The following YLPM1 variants were observed in gnomAD, a reference collection of about 807,000 sequenced individuals.
YLPM1 encodes the protein YLP motif-containing protein 1.
Under a neutral mutation model 230.0 loss-of-function variants are expected in YLPM1, and 99 were observed. The observed-to-expected ratio is 0.43, with a 90% CI of 0.37 to 0.51. YLPM1 has a LOEUF of 0.51. YLPM1 is among the 20% of genes least tolerant of loss of function. The pLI is 0.00. For missense variants in YLPM1, 2,592 were observed against 2,707.7 expected (o/e 0.96, Z 0.95); for synonymous variants, 984 against 942.5 (o/e 1.04, Z -0.81).
intron 2 of YLPM1, among the ~76,000 whole-genome samples, chr14:74,779,091 T>C (rs1320572626): frequency 1.3e-5 from 2 of 152,082 alleles, no homozygotes; most frequent in African/African-American, 4.8e-5. Context: ...ATCCACCTGC[T>C]TCGGCCTCCC....
chr14:74,770,964 G>A (rs2090971807), intron 1 of YLPM1, among the ~76,000 whole-genome samples: 1 of 152,200 alleles, frequency 6.6e-6, no homozygotes, highest in Non-Finnish European at 1.5e-5. Context: ...ATGGAGAGAA[G>A]TGGGAAGAGT....
chr14:74,833,626 G>T (rs900854370), intron 19 of YLPM1, among the ~76,000 whole-genome samples: 2 of 152,258 alleles, frequency 1.3e-5, no homozygotes, highest in Admixed American at 1.3e-4. Flanking sequence ...CTATATTGAA[G>T]CCCACATTAT....
At chr14:74,773,770 G>A (rs913214167) in intron 1 of YLPM1, among the ~76,000 whole-genome samples, 1 of 134,058 alleles carries the variant, frequency 7.5e-6, no homozygotes, top group Admixed American at 8.3e-5. Context: ...GCCCAGGCTG[G>A]AGTGCAATGG....
At chr14:74,796,966 T>G (rs1198143541) in intron 4 of YLPM1, among the ~76,000 whole-genome samples, 4 of 123,710 alleles carry the variant, frequency 3.2e-5, no homozygotes, top group Non-Finnish European at 5.3e-5. Context: ...TATTTATAAT[T>G]GCTTTTTTTT....
rs1046649223 is a variant in YLPM1 at position 74,782,198 on chromosome 14, G to A, written c.2155G>A (p.Gly719Arg). 2.5e-6 allele frequency: 4 copies of A among 1,607,112 alleles called. No individual in the cohort carries two copies. Among genetic ancestry groups the A allele is most frequent in the Non-Finnish European group, 3.4e-6 (4 of 1,179,676 alleles). Residue 719 changes from glycine to arginine, a missense_variant, in exon 4 of 21, where the codon GGA (glycine) becomes AGA (arginine). Gly to Arg is a moderately radical substitution (Grantham distance 125, BLOSUM62 -2). Transcript: ENST00000325680. ...LPYSSFSSDQ[G>R]LGESSAAPSQ... Reference sequence around the variant, plus strand: ...ATACAGTTCATTCTCATCTGATCAAGGACTTGGGGAGTCTTCAGCTGCTCC... The same window carrying A: ...ATACAGTTCATTCTCATCTGATCAAAGACTTGGGGAGTCTTCAGCTGCTCC...
intron 18 of YLPM1, among the ~76,000 whole-genome samples, chr14:74,828,793 C>T (rs577297372): frequency 6.6e-6 from 1 of 151,934 alleles, no homozygotes; most frequent in Non-Finnish European, 1.5e-5. Flanking sequence ...TTTCATATGA[C>T]ACAGTATCAA....
At chr14:74,785,330 G>A (rs1300729387) in intron 4 of YLPM1, among the ~76,000 whole-genome samples, 3 of 152,236 alleles carry the variant, frequency 2.0e-5, no homozygotes, top group African/African-American at 4.8e-5. Flanking sequence ...CTTTGATAAG[G>A]ATGGCTTTTT....
chr14:74,796,319 A>G (rs1411890244), intron 4 of YLPM1, among the ~76,000 whole-genome samples: 1 of 152,078 alleles, frequency 6.6e-6, no homozygotes, highest in African/African-American at 2.4e-5. Context: ...ATGCTAAACT[A>G]TTTGCACTTC....
rs759747578 is a variant in YLPM1, at chr14:74,817,171, AATT to A, written c.5863-16_5863-14del. 1.3e-5 allele frequency: 20 copies of A among 1,596,182 alleles called. No homozygotes were observed. In the African/African-American group the frequency reaches 2.7e-4, roughly 21 times the overall value. Reference sequence around the variant, plus strand: ...ATGTAAATGTTATATATCTTTGCCTAATTATTATTCATTCTTGCTTAGGTATAT... The same window carrying A: ...ATGTAAATGTTATATATCTTTGCCTAATTATTCATTCTTGCTTAGGTATAT... On this transcript the variant is annotated intron_variant, in intron 14 of 20. Coordinates refer to ENST00000325680, the MANE Select transcript of YLPM1 (RefSeq NM_019589.3).
intron 12 of YLPM1, 119 bp downstream of exon 12, chr14:74,816,384 A>G: frequency 1.1e-5 from 14 of 1,297,376 alleles, no homozygotes; most frequent in Non-Finnish European, 1.4e-5. Flanking sequence ...TTGATCCATT[A>G]CAGTTGGCCC....
chr14:74,820,961 C>T lies in YLPM1; in HGVS notation c.6031-96C>T, dbSNP rs936138967. ...TATGTAACAGTGAGCCTGTCTTGCT[C>T]TGGGCAACTGTATTCATTCCAGATC... is the stretch of plus-strand genomic sequence containing the variant. On this transcript the variant is annotated intron_variant, in intron 16 of 20. Transcript: ENST00000325680. 54 of 1,313,320 alleles carry T rather than the reference C, an allele frequency of 4.1e-5. 1 individual carries two copies. In the South Asian group the frequency reaches 1.1e-3, roughly 28 times the overall value. 81.4% of individuals were successfully genotyped at this position (1,313,320 alleles called of 1,614,324 possible).
intron 16 of YLPM1, among the ~76,000 whole-genome samples, chr14:74,818,962 C>T (rs919240506): frequency 5.9e-5 from 9 of 152,162 alleles, no homozygotes; most frequent in African/African-American, 1.9e-4. Context: ...GGGAATGCTA[C>T]ATAAGTGATA....
At chr14:74,819,721 TG>T (rs1249329637) in intron 16 of YLPM1, among the ~76,000 whole-genome samples, 4 of 152,256 alleles carry the variant, frequency 2.6e-5, no homozygotes, top group Non-Finnish European at 5.9e-5. Flanking sequence ...TGATTAATTT[TG>T]TAGCCACATG....
intron 1 of YLPM1, among the ~76,000 whole-genome samples, chr14:74,772,697 A>T (rs1048223108): frequency 1.3e-5 from 2 of 152,050 alleles, no homozygotes; most frequent in Non-Finnish European, 2.9e-5. Context: ...CCTTCATTCA[A>T]TCTCGTTTTA....
In YLPM1 at chr14:74,809,510, C is replaced by G. The variant is rs1326361461; in HGVS notation, c.4652C>G (p.Pro1551Arg). ...CCTGTCCCAATACCACCACCTCCAC[C>G]TCCTCCACCTCTACCTCCTCCTCCT... ...RPPVPIPPPP[P>R]PPPLPPPPPV... The change falls in exon 7 of 21, where the codon CCT becomes CGT. Residue 1551 changes from proline (P) to arginine (R), a missense_variant. Pro to Arg is a moderately radical substitution (Grantham distance 103, BLOSUM62 -2). Around this residue, in one of 4 missense-constraint regions of YLPM1, gnomAD observed 403 missense variants for 426.7 expected, o/e 0.94. Transcript: ENST00000325680. 6.3e-7 allele frequency: 1 copy of G among 1,585,166 alleles called. No homozygotes were observed. Among genetic ancestry groups the G allele is most frequent in the Non-Finnish European group, 8.6e-7 (1 of 1,165,082 alleles).
At position 74,818,258 on chromosome 14, in the gene YLPM1, C is replaced by G. The variant is rs773988090; in HGVS notation, c.5974C>G (p.Arg1992Gly). The change falls in exon 16 of 21, where the codon CGT becomes GGT. Residue 1992 changes from arginine to glycine, a missense_variant. By Grantham distance (125) the Arg-to-Gly change is moderately radical. Around this residue, in one of 4 missense-constraint regions of YLPM1, gnomAD observed 315 missense variants for 429.3 expected, o/e 0.73. Transcript: ENST00000325680. ...GGCTGATCACTGGGAAACTGCACCT[C>G]GTCACATGATGCGTCTAGATATTCG... The part of the protein sequence containing the change: ...KMADHWETAP[R>G]HMMRLDIRSL... 6.2e-7 allele frequency: 1 copy of G among 1,604,418 alleles called. No homozygotes were observed. The highest frequency in any genetic ancestry group is 1.7e-5 in the Admixed American group (1 of 58,540).
At chr14:74,782,701 T>A (rs890572627) in intron 4 of YLPM1, among the ~76,000 whole-genome samples, 2 of 152,222 alleles carry the variant, frequency 1.3e-5, no homozygotes, top group Non-Finnish European at 2.9e-5. Context: ...ATTTGTTAGT[T>A]GTTAGAGATA....
chr14:74,829,826 G>A (rs1244018274), intron 19 of YLPM1, among the ~76,000 whole-genome samples: 1 of 152,194 alleles, frequency 6.6e-6, no homozygotes, highest in East Asian at 1.9e-4. Flanking sequence ...AATGATTTAA[G>A]TTCTGTGAGA....
chr14:74,811,765 G>A lies in YLPM1; in HGVS notation c.5347+27G>A, dbSNP rs748546764. ...TAGAGTGATGCCTTATTAACTACAA[G>A]GATGTTGAGAATGTAAAGCATGGGA... On this transcript the variant is annotated intron_variant, in intron 10 of 20. Transcript: ENST00000325680. 5 of 1,457,558 alleles carry A rather than the reference G, an allele frequency of 3.4e-6. No individual in the cohort carries two copies. In the Admixed American group the frequency reaches 7.1e-5, roughly 21 times the overall value. The allele number at this position is 1,457,558 out of a possible 1,614,324, so 90.3% of individuals were successfully genotyped here.
Sources: gnomAD v4.1 joint callset for allele counts (sites outside exome capture counted in the v4.1 genomes callset) on GRCh38, gnomAD v4.1.1 for gene constraint, gnomAD v4.1.1 regional missense constraint, MANE v1.5 for transcripts, NCBI Gene and HGNC (gene_info 2026-07-23, HGNC 2026-07-21) for gene names.